Variants in ELOVL6 observed in about 807,000 individuals in gnomAD.
The protein encoded by ELOVL6 is ELOVL fatty acid elongase 6, also known as very long chain fatty acid elongase 6.
A neutral mutation model predicts 31.7 loss-of-function variants in ELOVL6; 8 were observed. The ratio of observed to expected loss-of-function variants is 0.25; its 90% CI spans 0.15 to 0.45. The LOEUF (loss-of-function observed/expected upper bound fraction) is 0.45, where lower values mean the gene tolerates loss of function less well. Among genes scored for constraint, ELOVL6 ranks in the 20% least tolerant of loss-of-function variants. ELOVL6 has a pLI of 1.00. For missense variants in ELOVL6, 126 were observed against 326.4 expected (o/e 0.39, Z 4.73); for synonymous variants, 101 against 117.7 (o/e 0.86, Z 0.92).
At chr4:110,080,408 T>C (rs1755802640) in intron 2 of ELOVL6, among the ~76,000 whole-genome samples, 1 of 152,208 alleles carries the variant, frequency 6.6e-6, no homozygotes. Flanking sequence ...CAAGTGGGCT[T>C]CATCCCTGGG....
chr4:110,110,460 C>T (rs1025466074), intron 1 of ELOVL6, among the ~76,000 whole-genome samples: 2 of 136,314 alleles, frequency 1.5e-5, no homozygotes, highest in South Asian at 2.4e-4. Flanking sequence ...TAGGCTGGAG[C>T]GTAGTGGTGT....
intron 1 of ELOVL6, among the ~76,000 whole-genome samples, chr4:110,165,027 T>C (rs1415297827): frequency 6.6e-6 from 1 of 152,088 alleles, no homozygotes; most frequent in Non-Finnish European, 1.5e-5. Context: ...CTGAATGTAA[T>C]GTGGTATGTG....
intron 1 of ELOVL6, among the ~76,000 whole-genome samples, chr4:110,178,396 G>T (rs1759173663): frequency 6.6e-6 from 1 of 152,034 alleles, no homozygotes; most frequent in Middle Eastern, 3.2e-3. Flanking sequence ...AAAAAAATTA[G>T]CCGAGTGTGG....
intron 1 of ELOVL6, among the ~76,000 whole-genome samples, chr4:110,112,857 G>C (rs948737591): frequency 5.3e-5 from 8 of 150,294 alleles, no homozygotes; most frequent in Non-Finnish European, 8.9e-5. Flanking sequence ...CTGGGCAACA[G>C]AGCAAGACTC....
intron 2 of ELOVL6, among the ~76,000 whole-genome samples, chr4:110,088,014 T>A (rs1227149889): frequency 1.3e-5 from 2 of 152,196 alleles, no homozygotes; most frequent in Non-Finnish European, 2.9e-5. Flanking sequence ...GAAGAGTGTT[T>A]TAAATTGCAA....
intron 3 of ELOVL6, among the ~76,000 whole-genome samples, chr4:110,056,131 G>GA (rs1553953543): frequency 7.1e-6 from 1 of 140,346 alleles, no homozygotes; most frequent in Non-Finnish European, 1.6e-5. Context: ...CTGGGGGGGG[G>GA]GATACAGTTT....
At chr4:110,137,385 T>G (rs569664424) in intron 1 of ELOVL6, among the ~76,000 whole-genome samples, 48 of 152,238 alleles carry the variant, frequency 3.2e-4, no homozygotes, top group Admixed American at 2.7e-3. Context: ...TAACTTTCTT[T>G]GGGGCAAAGT....
chr4:110,090,148 T>C (rs72677000), intron 2 of ELOVL6, among the ~76,000 whole-genome samples: 14,544 of 152,238 alleles, frequency 0.096, 815 homozygotes, highest in East Asian at 0.18. Flanking sequence ...ATGATGTCTA[T>C]TGTTAGTGTT....
chr4:110,157,844 A>G (rs1000808909), intron 1 of ELOVL6, among the ~76,000 whole-genome samples: 1 of 152,216 alleles, frequency 6.6e-6, no homozygotes, highest in Admixed American at 6.5e-5. Context: ...GCACTTTGTT[A>G]GTCTCATTAT....
At chr4:110,114,796 A>G (rs1757130477) in intron 1 of ELOVL6, among the ~76,000 whole-genome samples, 1 of 152,242 alleles carries the variant, frequency 6.6e-6, no homozygotes, top group African/African-American at 2.4e-5. Flanking sequence ...TTCACAATGC[A>G]TTGAAAACCG....
Position 110,105,550 on chromosome 4 carries a change from CT to C in ELOVL6, c.167del (p.Lys56SerfsTer4), listed in dbSNP as rs770423052. ...GCACTAATGGCTTCCTCAGTTCAAA[CT>C]TTGCTCGTTTATTCATTAGGTGCCG... ...GGRHLMNKRA[K>X]FELRKPLVLW... On this transcript the variant is annotated frameshift_variant, in exon 2 of 4. Coordinates refer to ENST00000302274, the MANE Select transcript of ELOVL6 (RefSeq NM_024090.3). LOFTEE classifies it high-confidence loss of function. 1 of 1,613,744 alleles carries C rather than the reference CT, an allele frequency of 6.2e-7. No individual in the cohort carries two copies. The highest frequency in any genetic ancestry group is 8.5e-7 in the Non-Finnish European group (1 of 1,179,770).
At chr4:110,149,128 C>T (rs144157119) in intron 1 of ELOVL6, among the ~76,000 whole-genome samples, 142 of 152,308 alleles carry the variant, frequency 9.3e-4, no homozygotes, top group African/African-American at 3.3e-3. Context: ...TCCGAAAGTG[C>T]TGGGATTACA....
At chr4:110,121,413 T>C (rs1757353669) in intron 1 of ELOVL6, among the ~76,000 whole-genome samples, 2 of 152,210 alleles carry the variant, frequency 1.3e-5, no homozygotes, top group Admixed American at 1.3e-4. Context: ...TTTGTTTTTA[T>C]CAATAACTAA....
intron 1 of ELOVL6, chr4:110,146,273 T>C (rs558016146): frequency 7.2e-5 from 11 of 152,042 alleles, no homozygotes; most frequent in Non-Finnish European, 1.6e-4. Context: ...GCTGGGAAAA[T>C]TGGACTGTGA....
chr4:110,182,439 GT>G (rs1313645648), intron 1 of ELOVL6, among the ~76,000 whole-genome samples: 13 of 152,080 alleles, frequency 8.5e-5, no homozygotes, highest in Admixed American at 8.5e-4. Flanking sequence ...AAATGAATTA[GT>G]TTTTTTAAGA....
intron 2 of ELOVL6, among the ~76,000 whole-genome samples, chr4:110,094,482 G>T (rs1560820788): frequency 8.7e-6 from 1 of 115,044 alleles, no homozygotes; most frequent in Non-Finnish European, 1.8e-5. Context: ...TAAAATATAT[G>T]TAATTATAAT....
intron 2 of ELOVL6, among the ~76,000 whole-genome samples, chr4:110,090,192 C>A (rs1030613688): frequency 6.6e-6 from 1 of 152,140 alleles, no homozygotes; most frequent in Non-Finnish European, 1.5e-5. Flanking sequence ...TCTCTCAAAT[C>A]TTTTTCTCAC....
At chr4:110,171,344 G>A (rs1418772350) in intron 1 of ELOVL6, among the ~76,000 whole-genome samples, 1 of 152,050 alleles carries the variant, frequency 6.6e-6, no homozygotes, top group Non-Finnish European at 1.5e-5. Flanking sequence ...GGGAATCAGA[G>A]GTTGCAGTGA....
intron 1 of ELOVL6, among the ~76,000 whole-genome samples, chr4:110,158,657 A>ATTTTTTTTTTTTTTTTT (rs1184682018): frequency 1.3e-5 from 1 of 74,162 alleles, no homozygotes; most frequent in Non-Finnish European, 2.3e-5. Flanking sequence ...ATATATATAT[A>ATTTTTTTTTTTTTTTTT]TTTTTTTTTT....
Sources: gnomAD v4.1 joint callset for allele counts (sites outside exome capture counted in the v4.1 genomes callset) on GRCh38, gnomAD v4.1.1 for gene constraint, MANE v1.5 for transcripts, NCBI Gene and HGNC (gene_info 2026-07-23, HGNC 2026-07-21) for gene names.